IMPACT: variants seen among roughly 807,000 people sequenced by gnomAD.
IMPACT encodes the protein impact RWD domain protein, also known as protein IMPACT.
IMPACT carries 35 observed loss-of-function variants against 47.5 expected under a neutral mutation model. That is an observed-to-expected ratio of 0.74 (90% CI 0.56 to 0.98). The LOEUF is 0.98. IMPACT is among the 50% of genes least tolerant of loss of function. The pLI is 0.00. For synonymous variants in IMPACT, 118 were observed against 125.6 expected, an observed-to-expected ratio of 0.94 and a Z score of 0.40; for missense variants, 373 against 394.8, an observed-to-expected ratio of 0.94 and a Z score of 0.47.
chr18:24,448,903 G>T (rs1599768551), intron 9 of IMPACT, among the ~76,000 whole-genome samples: 1 of 152,084 alleles, frequency 6.6e-6, no homozygotes, highest in Non-Finnish European at 1.5e-5. Flanking sequence ...TTAATTTTAG[G>T]ATTGGATTAT....
At chr18:24,442,912 G>A in intron 6 of IMPACT, 137 bp from the exon 7 acceptor site, 1 of 464,088 alleles carries the variant, frequency 2.2e-6, no homozygotes, top group Non-Finnish European at 3.8e-6. Context: ...TTTAATTTTG[G>A]TAGATAGCGA....
rs1909387540 is a variant in IMPACT at position 24,451,590 on chromosome 18, C to T, written c.*743C>T. The T allele has an allele frequency of 6.6e-6, 1 of 152,172 alleles. No homozygotes were observed. The highest frequency in any genetic ancestry group is 1.5e-5 in the Non-Finnish European group (1 of 68,028). 9.4% of individuals were successfully genotyped at this position (152,172 alleles called of 1,614,324 possible). ...GGAGTGTCAGTAGTCTCCTTCCACCCCAGAAATGTGTTGGTGTAACATTCT... is the reference window on the plus strand; with the variant it reads ...GGAGTGTCAGTAGTCTCCTTCCACCTCAGAAATGTGTTGGTGTAACATTCT... On this transcript the variant is annotated 3_prime_UTR_variant, in exon 11 of 11. Coordinates refer to ENST00000284202, the MANE Select transcript of IMPACT (RefSeq NM_018439.4).
At chr18:24,433,052 A>G (rs1908798925) in intron 4 of IMPACT, among the ~76,000 whole-genome samples, 1 of 152,150 alleles carries the variant, frequency 6.6e-6, no homozygotes, top group Admixed American at 6.6e-5. Context: ...GAAGTGTCAG[A>G]GATTACAATA....
At chr18:24,438,911 TA>T (rs200589952) in intron 5 of IMPACT, among the ~76,000 whole-genome samples, 3,816 of 152,278 alleles carry the variant, frequency 0.025, 158 homozygotes, top group African/African-American at 0.088. Flanking sequence ...TACATGTGTG[TA>T]TGTACCCACA....
chr18:24,442,431 G>C (rs1909141126), intron 6 of IMPACT, among the ~76,000 whole-genome samples: 1 of 152,180 alleles, frequency 6.6e-6, no homozygotes, highest in African/African-American at 2.4e-5. Context: ...GGGATTGCAG[G>C]CGTGAGCCAC....
intron 4 of IMPACT, among the ~76,000 whole-genome samples, chr18:24,432,767 T>TC (rs1314675417): frequency 1.3e-5 from 2 of 152,000 alleles, no homozygotes; most frequent in African/African-American, 4.8e-5. Flanking sequence ...CCAGAATTGT[T>TC]CATCTAGTGG....
At chr18:24,449,391 TAGC>T (rs754880727) in intron 9 of IMPACT, among the ~76,000 whole-genome samples, 5 of 152,176 alleles carry the variant, frequency 3.3e-5, no homozygotes, top group Non-Finnish European at 4.4e-5. Context: ...ACCTTACTAA[TAGC>T]ACCAGGGATA....
intron 4 of IMPACT, among the ~76,000 whole-genome samples, chr18:24,433,905 A>T (rs1011200332): frequency 6.7e-6 from 1 of 150,334 alleles, no homozygotes; most frequent in African/African-American, 2.4e-5. Context: ...TTCTGACCTC[A>T]AGTGATCCGC....
intron 1 of IMPACT, 72 bp from the exon 2 acceptor site, chr18:24,427,847 C>T: frequency 7.0e-7 from 1 of 1,420,238 alleles, no homozygotes; most frequent in Non-Finnish European, 9.6e-7. Context: ...ATTTGAATAC[C>T]TTATAAAGTA....
chr18:24,427,985 A>G lies in IMPACT; in HGVS notation c.103A>G (p.Lys35Glu), dbSNP rs758352124. ...GTGGTGTGTCATTGATGACTGTGCCAAAATATTTTGTATTAGAATTAGCGA... is the reference window on the plus strand; with the variant it reads ...GTGGTGTGTCATTGATGACTGTGCCGAAATATTTTGTATTAGAATTAGCGA... ...EEWCVIDDCAKIFCIRISDDI... is the reference protein window; with the variant it reads ...EEWCVIDDCAEIFCIRISDDI... Residue 35 changes from lysine to glutamate, a missense_variant, in exon 2 of 11, where the codon AAA (lysine) becomes GAA (glutamate). Lys to Glu is a moderately conservative substitution (Grantham distance 56, BLOSUM62 1). Transcript: ENST00000284202. 1.2e-6 allele frequency: 2 copies of G among 1,602,744 alleles called. No homozygotes were observed. The highest frequency in any genetic ancestry group is 1.8e-5 in the Admixed American group (1 of 55,816).
chr18:24,446,303 T>G (rs1909248256), intron 8 of IMPACT, among the ~76,000 whole-genome samples: 1 of 152,126 alleles, frequency 6.6e-6, no homozygotes, highest in Non-Finnish European at 1.5e-5. Context: ...TGAGTTCAAG[T>G]GATCTGCCAA....
intron 9 of IMPACT, 129 bp from the exon 10 acceptor site, chr18:24,449,690 C>A: frequency 1.4e-6 from 1 of 733,870 alleles, no homozygotes; most frequent in Non-Finnish European, 2.3e-6. Flanking sequence ...ACTCATATGG[C>A]TCTACCATTA....
chr18:24,441,237 C>T (rs576798957), intron 6 of IMPACT, among the ~76,000 whole-genome samples: 3 of 152,262 alleles, frequency 2.0e-5, no homozygotes, highest in African/African-American at 4.8e-5. Flanking sequence ...CTCTGTTGCC[C>T]GGGCTGGAGT....
At chr18:24,446,211 G>A (rs966164230) in intron 8 of IMPACT, among the ~76,000 whole-genome samples, 70 of 151,900 alleles carry the variant, frequency 4.6e-4, no homozygotes, top group African/African-American at 1.5e-3. Flanking sequence ...CTGTAGGTGC[G>A]AGCCACCATG....
intron 5 of IMPACT, among the ~76,000 whole-genome samples, chr18:24,440,249 T>G (rs892411284): frequency 2.0e-5 from 3 of 152,216 alleles, no homozygotes; most frequent in African/African-American, 7.2e-5. Context: ...TCAGGTTAAC[T>G]CCTGTGTTCT....
chr18:24,438,651 C>G (rs868057426), intron 5 of IMPACT, among the ~76,000 whole-genome samples: 1 of 152,116 alleles, frequency 6.6e-6, no homozygotes, highest in Non-Finnish European at 1.5e-5. Flanking sequence ...ATTTTTTCTA[C>G]AGACGAGGTC....
chr18:24,427,825 T>C, intron 1 of IMPACT, 94 bp from the exon 2 acceptor site: 3 of 1,239,756 alleles, frequency 2.4e-6, no homozygotes, highest in Non-Finnish European at 3.4e-6. Flanking sequence ...TGATCTACTC[T>C]GGTAATGTTG....
chr18:24,446,416 A>G (rs1909250585), intron 8 of IMPACT, among the ~76,000 whole-genome samples: 1 of 152,228 alleles, frequency 6.6e-6, no homozygotes, highest in African/African-American at 2.4e-5. Context: ...TTCTTTTACT[A>G]CATGAGTTTC....
At chr18:24,431,474 G>A (rs1197502188) in intron 4 of IMPACT, among the ~76,000 whole-genome samples, 1 of 152,014 alleles carries the variant, frequency 6.6e-6, no homozygotes, top group African/African-American at 2.4e-5. Context: ...AAGAATAGCT[G>A]GAAGCAGAGA....
Sources: allele counts gnomAD v4.1 joint callset (sites outside exome capture counted in the v4.1 genomes callset), GRCh38; gene constraint gnomAD v4.1.1; transcripts MANE v1.5; gene names NCBI Gene and HGNC (gene_info 2026-07-23, HGNC 2026-07-21).